The following TTC39A variants were observed in gnomAD, a reference collection of about 807,000 sequenced individuals.
The protein encoded by TTC39A is tetratricopeptide repeat protein 39A.
TTC39A carries 46 observed loss-of-function variants against 82.3 expected under a neutral mutation model. The observed-to-expected ratio is 0.56, with a 90% confidence interval of 0.44 to 0.71. The LOEUF (loss-of-function observed/expected upper bound fraction) is 0.71, where lower values mean the gene tolerates loss of function less well. TTC39A is among the 30% of genes least tolerant of loss of function. TTC39A has a pLI of 0.00. For synonymous variants in TTC39A, 254 were observed against 275.2 expected, an observed-to-expected ratio of 0.92 and a Z score of 0.76; for missense variants, 543 against 712.9, an observed-to-expected ratio of 0.76 and a Z score of 2.71.
upstream of TTC39A, among the ~76,000 whole-genome samples, chr1:51,333,042 A>T (rs1004090477): frequency 6.6e-6 from 1 of 151,914 alleles, no homozygotes; most frequent in African/African-American, 2.4e-5. Flanking sequence ...GAGAAACCCC[A>T]TCTCTACTAA....
At chr1:51,317,223 G>A (rs1424097251) in intron 2 of TTC39A, among the ~76,000 whole-genome samples, 6 of 152,216 alleles carry the variant, frequency 3.9e-5, no homozygotes, top group Non-Finnish European at 7.3e-5. Flanking sequence ...GAAGAACAGC[G>A]AATGACACTG....
Position 51,301,674 on chromosome 1 carries a change from G to A in TTC39A, c.951C>T (p.His317=), listed in dbSNP as rs1245194617. Residue 317 remains histidine (H), a synonymous_variant, in exon 12 of 18, where the codon CAC becomes CAT. Transcript: ENST00000680483. ...ACCACATCAGCTCCCAGTAGCACAT[G>A]TGGTGGAACTGCTTCCAGTGCTGCT... ...EAQQHWKQFH[H]MCYWELMWCF... is the part of the protein sequence containing the mutation. 6.2e-7 allele frequency: 1 copy of A among 1,613,694 alleles called. No individual in the cohort carries two copies. Among genetic ancestry groups the A allele is most frequent in the Non-Finnish European group, 8.5e-7 (1 of 1,179,614 alleles).
At chr1:51,291,277 G>A (rs1354175916) in intron 14 of TTC39A, among the ~76,000 whole-genome samples, 3 of 151,402 alleles carry the variant, frequency 2.0e-5, no homozygotes, top group Admixed American at 2.0e-4. Context: ...GATCACCTGA[G>A]GTCAGGAGTT....
intron 6 of TTC39A, 39 bp from the exon 7 acceptor site, chr1:51,306,115 G>T: frequency 6.4e-7 from 1 of 1,574,738 alleles, no homozygotes; most frequent in South Asian, 1.1e-5. Flanking sequence ...GCCACTGCTG[G>T]GGGTGGGGGG....
chr1:51,289,909 A>C, intron 16 of TTC39A, 96 bp downstream of exon 16: 1 of 983,260 alleles, frequency 1.0e-6, no homozygotes, highest in Non-Finnish European at 1.5e-6. Flanking sequence ...GGGGTTGGCT[A>C]GGGTCAGCCA....
chr1:51,301,603 T>C lies in TTC39A; in HGVS notation c.1022A>G (p.Asp341Gly), dbSNP rs748363431. The change falls in exon 12 of 18, where the codon GAC becomes GGC. Residue 341 changes from aspartate to glycine, a missense_variant. Asp to Gly is a moderately conservative substitution (Grantham distance 94). Transcript: ENST00000680483. The part of the protein sequence containing the change: ...GQWKMSYFYA[D>G]LLSKENCWSK... ...CCAGCAGTTCTCCTTGCTGAGCAGG[T>C]CGGCGTAGAAGTAGGACATCTTCCA... The C allele has an allele frequency of 6.2e-7, 1 of 1,612,334 alleles. No individual in the cohort carries two copies. Among genetic ancestry groups the C allele is most frequent in the Non-Finnish European group, 8.5e-7 (1 of 1,179,078 alleles).
chr1:51,320,416 C>CTTTTTTTTTTTTTTTTTTTTTTTT (rs57261779), intron 2 of TTC39A, among the ~76,000 whole-genome samples: 26 of 79,404 alleles, frequency 3.3e-4, no homozygotes, highest in Non-Finnish European at 3.5e-4. Flanking sequence ...TTTTCTTTTT[C>CTTTTTTTTTTTTTTTTTTTTTTTT]TTTTTTTTTT....
upstream of TTC39A, chr1:51,331,068 C>G (rs1047667656): frequency 3.0e-5 from 30 of 987,670 alleles, no homozygotes; most frequent in African/African-American, 4.6e-4. Context: ...GTTCACACTG[C>G]CTTCTCAAAT....
intron 8 of TTC39A, among the ~76,000 whole-genome samples, chr1:51,303,638 AG>A (rs1341430069): frequency 6.6e-6 from 1 of 152,114 alleles, no homozygotes; most frequent in African/African-American, 2.4e-5. Context: ...GGCTGGGGGC[AG>A]ACCCCCCACC....
intron 16 of TTC39A, among the ~76,000 whole-genome samples, 155 bp from the exon 17 acceptor site, chr1:51,289,110 T>C (rs1364644899): frequency 6.6e-6 from 1 of 152,124 alleles, no homozygotes; most frequent in Non-Finnish European, 1.5e-5. Context: ...ATCCTGTACC[T>C]TGGGCTCCAG....
chr1:51,305,255 G>A, intron 7 of TTC39A, 109 bp from the exon 8 acceptor site: 1 of 1,060,012 alleles, frequency 9.4e-7, no homozygotes, highest in Admixed American at 1.9e-5. Flanking sequence ...AGGGGAGAGG[G>A]CCACCCCTCT....
At chr1:51,341,986 G>T (rs1372563514) in intron 1 of TTC39A, among the ~76,000 whole-genome samples, 2 of 152,164 alleles carry the variant, frequency 1.3e-5, no homozygotes, top group African/African-American at 4.8e-5. Flanking sequence ...AGCCTCCTTG[G>T]CTGGGCCTCT....
At chr1:51,299,193 T>TG (rs201084583) in intron 12 of TTC39A, 4,915 of 152,274 alleles carry the variant, frequency 0.032, 133 homozygotes, top group Non-Finnish European at 0.05. Context: ...CTGCTCTTTC[T>TG]GGGGGGGCGA....
chr1:51,302,139 A>T (rs1294627291), intron 11 of TTC39A: 2 of 738,904 alleles, frequency 2.7e-6, no homozygotes, highest in Non-Finnish European at 4.9e-6. Flanking sequence ...TCTCCCAGTC[A>T]AAATCCCAGG....
At position 51,294,388 on chromosome 1, in the gene TTC39A, C is replaced by T. The variant is rs766471133; in HGVS notation, c.1266+3G>A. On this transcript the variant is annotated splice_donor_region_variant and intron_variant, in intron 14 of 17. Transcript: ENST00000680483. The surrounding 1 kb of genome is among the most constrained non-coding windows in gnomAD (Gnocchi z 4.3). The stretch of plus-strand genomic sequence containing the variant: ...GCAGCGCCAGTCCAGACCTCCTACC[C>T]ACCAGAGCAGGCACTGGCAGCGAGA... 7 of 1,613,828 alleles carry T rather than the reference C, an allele frequency of 4.3e-6. No homozygotes were observed. The highest frequency in any genetic ancestry group is 1.7e-6 in the Non-Finnish European group (2 of 1,179,894).
Position 51,294,106 on chromosome 1 carries a change from G to A in TTC39A, c.1266+285C>T, listed in dbSNP as rs1048030528. 5.3e-5 allele frequency among the ~76,000 whole-genome samples: 8 copies of A among 152,170 alleles called. No individual in the cohort carries two copies. Among genetic ancestry groups the A allele is most frequent in the Middle Eastern group, 3.2e-3 (1 of 316 alleles). On this transcript the variant is annotated intron_variant, in intron 14 of 17. Transcript: ENST00000680483. The surrounding 1 kb of genome is among the most constrained non-coding windows in gnomAD (Gnocchi z 4.3). ...AGACAGGCTGGGATCACTGGCAGCCGGGTGATGCCGCTGCCTGGGCACATG... is the reference window on the plus strand; with the variant it reads ...AGACAGGCTGGGATCACTGGCAGCCAGGTGATGCCGCTGCCTGGGCACATG...
At chr1:51,330,605 G>A (rs1272720509), upstream of TTC39A, 1 of 983,202 alleles carries the variant, frequency 1.0e-6, no homozygotes, top group Non-Finnish European at 1.2e-6. This position sits in a 1 kb window ranked among gnomAD's most constrained non-coding sequence, Gnocchi z 4.5. Context: ...CGCCGGGGGC[G>A]GGGAAGGCGG....
intron 1 of TTC39A, among the ~76,000 whole-genome samples, chr1:51,325,690 C>A (rs1432751762): frequency 6.6e-6 from 1 of 152,194 alleles, no homozygotes; most frequent in Non-Finnish European, 1.5e-5. Context: ...CTGCCTGAGC[C>A]AGTACCCATC....
chr1:51,338,090 T>A (rs538435751), intron 1 of TTC39A, among the ~76,000 whole-genome samples: 1 of 152,300 alleles, frequency 6.6e-6, no homozygotes, highest in African/African-American at 2.4e-5. Flanking sequence ...ACGAATTTAC[T>A]TGAATATGGA....
Sources: gnomAD v4.1 joint callset for allele counts (sites outside exome capture counted in the v4.1 genomes callset) on GRCh38, gnomAD v4.1.1 for gene constraint, Gnocchi (gnomAD v3.1) non-coding constraint, MANE v1.5 for transcripts, NCBI Gene and HGNC (gene_info 2026-07-23, HGNC 2026-07-21) for gene names.